Variants in SPON1 observed in about 807,000 individuals in gnomAD.
SPON1 encodes the protein spondin 1.
SPON1 carries 52 observed loss-of-function variants against 111.7 expected under a neutral mutation model. That is an observed-to-expected ratio of 0.47 (90% CI 0.37 to 0.59). The LOEUF (loss-of-function observed/expected upper bound fraction) is 0.59, where lower values mean the gene tolerates loss of function less well. SPON1 is among the 20% of genes least tolerant of loss of function. The pLI is 0.00. For synonymous variants in SPON1, 410 were observed against 395.8 expected, an observed-to-expected ratio of 1.04 and a Z score of -0.43; for missense variants, 957 against 1,068.5, an observed-to-expected ratio of 0.90 and a Z score of 1.46.
chr11:14,061,959 C>A (rs1381096821), intron 3 of SPON1, among the ~76,000 whole-genome samples: 1 of 152,174 alleles, frequency 6.6e-6, no homozygotes, highest in Admixed American at 6.5e-5. Context: ...CACAAGTTGA[C>A]CATCAGTGCT....
intron 3 of SPON1, among the ~76,000 whole-genome samples, chr11:14,062,597 T>C (rs1191111601): frequency 6.6e-6 from 1 of 152,186 alleles, no homozygotes; most frequent in Non-Finnish European, 1.5e-5. Flanking sequence ...TTCAAGACCA[T>C]GTCAGCCCAG....
At chr11:14,109,079 T>C (rs1564907145) in intron 5 of SPON1, among the ~76,000 whole-genome samples, 1 of 152,186 alleles carries the variant, frequency 6.6e-6, no homozygotes, top group African/African-American at 2.4e-5. Flanking sequence ...AAACCATCAC[T>C]TCTTTAAGGA....
intron 2 of SPON1, among the ~76,000 whole-genome samples, chr11:14,026,465 A>C (rs991333530): frequency 1.3e-5 from 2 of 152,244 alleles, no homozygotes; most frequent in Non-Finnish European, 2.9e-5. Flanking sequence ...CTCTAAAACA[A>C]GAGGGAAATC....
intron 2 of SPON1, among the ~76,000 whole-genome samples, chr11:14,036,889 A>G (rs552795490): frequency 2.0e-5 from 3 of 152,266 alleles, no homozygotes; most frequent in Non-Finnish European, 4.4e-5. Flanking sequence ...GAAGGATGAC[A>G]TAGGATCCAT....
chr11:14,234,627 C>T, intron 6 of SPON1, among the ~76,000 whole-genome samples: 1 of 152,192 alleles, frequency 6.6e-6, no homozygotes, highest in African/African-American at 2.4e-5. Context: ...GTCCTCAGAG[C>T]TCCCACCCAC....
intron 6 of SPON1, among the ~76,000 whole-genome samples, chr11:14,150,500 T>C (rs934275495): frequency 6.6e-6 from 1 of 152,098 alleles, no homozygotes; most frequent in East Asian, 1.9e-4. Flanking sequence ...TGAGGTGATA[T>C]GCATGCAAAT....
chr11:14,050,943 A>G (rs550949282), intron 3 of SPON1, among the ~76,000 whole-genome samples: 1 of 152,342 alleles, frequency 6.6e-6, no homozygotes, highest in South Asian at 2.1e-4. Flanking sequence ...GCTCTGGGAC[A>G]GGAATCAAGT....
intron 2 of SPON1, among the ~76,000 whole-genome samples, chr11:13,993,134 A>G (rs1484774826): frequency 1.3e-5 from 2 of 152,128 alleles, no homozygotes; most frequent in Admixed American, 6.5e-5. Flanking sequence ...ACAGACTCAC[A>G]AAATACAAAC....
chr11:14,079,158 G>A (rs1222009373), intron 4 of SPON1, among the ~76,000 whole-genome samples: 2 of 152,112 alleles, frequency 1.3e-5, no homozygotes, highest in African/African-American at 4.8e-5. Flanking sequence ...TTTGACAATC[G>A]GAAATACTGA....
At chr11:14,231,117 CT>C (rs1480944609) in intron 6 of SPON1, among the ~76,000 whole-genome samples, 1 of 150,966 alleles carries the variant, frequency 6.6e-6, no homozygotes, top group Non-Finnish European at 1.5e-5. Context: ...CCAGCCGCCA[CT>C]TTTTTTCTTT....
chr11:14,112,449 T>TA (rs1477824701), intron 5 of SPON1, among the ~76,000 whole-genome samples: 1 of 152,216 alleles, frequency 6.6e-6, no homozygotes, highest in Non-Finnish European at 1.5e-5. Flanking sequence ...TGCAAGAGGC[T>TA]AGGCAAGACA....
intron 2 of SPON1, among the ~76,000 whole-genome samples, chr11:14,023,491 T>C (rs1401956278): frequency 3.9e-5 from 6 of 152,220 alleles, no homozygotes; most frequent in African/African-American, 1.4e-4. Context: ...CTCTTCGTGC[T>C]ACAACTATAT....
At chr11:14,147,664 G>A (rs1048317420) in intron 6 of SPON1, among the ~76,000 whole-genome samples, 1 of 151,954 alleles carries the variant, frequency 6.6e-6, no homozygotes, top group Admixed American at 6.6e-5. Flanking sequence ...TGATCTGCCT[G>A]CCTTGGCCTC....
intron 1 of SPON1, among the ~76,000 whole-genome samples, chr11:13,967,867 A>G (rs1554908180): frequency 6.6e-6 from 1 of 152,268 alleles, no homozygotes; most frequent in East Asian, 1.9e-4. Context: ...AAATGCAAAC[A>G]TAGCTAATGC....
chr11:14,141,443 A>G (rs1847655207), intron 6 of SPON1, among the ~76,000 whole-genome samples: 1 of 152,212 alleles, frequency 6.6e-6, no homozygotes, highest in South Asian at 2.1e-4. Context: ...TTAAAAATCC[A>G]TTAGAAAAAT....
chr11:13,996,495 C>CT (rs1381855459), intron 2 of SPON1, among the ~76,000 whole-genome samples: 3 of 152,206 alleles, frequency 2.0e-5, no homozygotes, highest in African/African-American at 7.2e-5. Flanking sequence ...GCAAGAAAGC[C>CT]TGAGTCTGGG....
intron 5 of SPON1, among the ~76,000 whole-genome samples, chr11:14,105,000 C>A (rs1330305608): frequency 6.6e-6 from 1 of 152,060 alleles, no homozygotes. Context: ...TAGCTCCTTG[C>A]AGAATGTTTT....
chr11:14,097,485 T>C lies in SPON1; in HGVS notation c.676+17464T>C, dbSNP rs543162338. The stretch of plus-strand genomic sequence containing the variant: ...TATGAATGAGATTTCCAGTTTTCAT[T>C]ACGTTTTCTATCAGGTTATAATTAG... On this transcript the variant is annotated intron_variant, in intron 5 of 15. Transcript: ENST00000576479. 2.1e-4 allele frequency among the ~76,000 whole-genome samples: 32 copies of C among 152,366 alleles called. No individual in the cohort carries two copies. The East Asian group carries it at 4.6e-3, about 22-fold the overall frequency.
intron 3 of SPON1, among the ~76,000 whole-genome samples, chr11:14,046,790 A>C (rs1554917885): frequency 6.6e-6 from 1 of 152,240 alleles, no homozygotes; most frequent in African/African-American, 2.4e-5. Context: ...GCACTGAATT[A>C]ATAGTTTCCC....
Sources: gnomAD v4.1 joint callset for allele counts (sites outside exome capture counted in the v4.1 genomes callset) on GRCh38, gnomAD v4.1.1 for gene constraint, MANE v1.5 for transcripts, NCBI Gene and HGNC (gene_info 2026-07-23, HGNC 2026-07-21) for gene names.